The following MEGF6 variants were observed in gnomAD, a reference collection of about 807,000 sequenced individuals.
MEGF6 encodes the protein multiple EGF like domains 6.
A neutral mutation model predicts 207.1 loss-of-function variants in MEGF6; 184 were observed. The observed-to-expected ratio is 0.89, with a 90% CI of 0.79 to 1.00. The LOEUF is 1.00. Ranked by LOEUF, MEGF6 falls within the 50% of genes least tolerant of loss-of-function variation. The pLI, the probability that MEGF6 is intolerant of heterozygous loss-of-function variation, is 0.00. For missense variants in MEGF6, 2,282 were observed against 2,202.9 expected (o/e 1.04, Z -0.72); for synonymous variants, 1,038 against 910.0 (o/e 1.14, Z -2.53).
chr1:3,546,201 C>G (rs1182154275), intron 4 of MEGF6, among the ~76,000 whole-genome samples: 8 of 152,364 alleles, frequency 5.3e-5, no homozygotes, highest in Non-Finnish European at 1.2e-4. Context: ...CCTCCTCCCC[C>G]ACCTCAATCC....
At position 3,505,477 on chromosome 1, in the gene MEGF6, C is replaced by T. The variant is rs1167567777; in HGVS notation, c.1998G>A (p.Lys666=). The change falls in exon 16 of 37, where the codon AAG becomes AAA. Residue 666 remains lysine, a synonymous_variant. Transcript: ENST00000356575. ...CVQPHTQSCD[K]RDGSCSCKAG... ...CCTTGCAGGAGCAGCTGCCATCCCTCTTGTCACAGGACTGCGTGTGGGGCT... is the reference window on the plus strand; with the variant it reads ...CCTTGCAGGAGCAGCTGCCATCCCTTTTGTCACAGGACTGCGTGTGGGGCT... 14 of 1,610,774 alleles carry T rather than the reference C, an allele frequency of 8.7e-6. No individual in the cohort carries two copies. The highest frequency in any genetic ancestry group is 1.2e-5 in the Non-Finnish European group (14 of 1,179,336).
At chr1:3,504,164 C>T (rs1053847914) in intron 17 of MEGF6, among the ~76,000 whole-genome samples, 4 of 152,122 alleles carry the variant, frequency 2.6e-5, no homozygotes, top group South Asian at 4.1e-4. Context: ...GGGCTGGCGC[C>T]GGGCTTCTCG....
intron 4 of MEGF6, among the ~76,000 whole-genome samples, chr1:3,575,030 T>G (rs1643602885): frequency 1.3e-5 from 2 of 152,286 alleles, no homozygotes; most frequent in African/African-American, 4.8e-5. Flanking sequence ...TGAGGTCAGC[T>G]GAGACCAGAT....
chr1:3,558,226 T>A (rs1310715291), intron 4 of MEGF6, among the ~76,000 whole-genome samples: 8 of 152,224 alleles, frequency 5.3e-5, no homozygotes, highest in Non-Finnish European at 1.2e-4. Context: ...CTGAGGACTG[T>A]GCAGTGCCAC....
At chr1:3,593,714 C>G (rs1335176023) in intron 3 of MEGF6, among the ~76,000 whole-genome samples, 1 of 152,022 alleles carries the variant, frequency 6.6e-6, no homozygotes, top group African/African-American at 2.4e-5. Context: ...GCCCCCTCCC[C>G]ACTAAAAAGA....
intron 4 of MEGF6, 100 bp downstream of exon 4, chr1:3,579,725 A>AC: frequency 1.3e-6 from 1 of 778,556 alleles, no homozygotes; most frequent in South Asian, 2.4e-5. Context: ...GGTGTCCCCT[A>AC]CACAGCTGTG....
chr1:3,584,354 A>G (rs1411601284), intron 3 of MEGF6, among the ~76,000 whole-genome samples: 1 of 152,168 alleles, frequency 6.6e-6, no homozygotes, highest in Non-Finnish European at 1.5e-5. Context: ...ACTTCTCTGG[A>G]GCTGCCGCTT....
At chr1:3,569,622 C>G (rs1392671836) in intron 4 of MEGF6, among the ~76,000 whole-genome samples, 1 of 152,244 alleles carries the variant, frequency 6.6e-6, no homozygotes, top group African/African-American at 2.4e-5. Context: ...GCCACGGGGT[C>G]TCCGGCCTGG....
rs555195609 is a variant in MEGF6 at position 3,600,786 on chromosome 1, T to G, written c.266+1680A>C. Among the ~76,000 whole-genome samples, 199 of 152,282 alleles carry G rather than the reference T, an allele frequency of 1.3e-3. 3 individuals carry two copies. The highest frequency in any genetic ancestry group is 6.8e-3 in the Middle Eastern group (2 of 294). ...CACATGTCACCACCTCACTTGGGGC[T>G]GGTTCCAGTAGAGCACACAGGACGC... On this transcript the variant is annotated intron_variant, in intron 2 of 36. Transcript: ENST00000356575.
rs1204512480 is a variant in MEGF6 at position 3,508,693 on chromosome 1, G to C, written c.1529-4C>G. Reference sequence around the variant, plus strand: ...CCAAAGGAGTCATCCAGGCAGACTGGGGGCAGACCAGGATGGGGGGATTCA... The same window carrying C: ...CCAAAGGAGTCATCCAGGCAGACTGCGGGCAGACCAGGATGGGGGGATTCA... On this transcript the variant is annotated splice_polypyrimidine_tract_variant and splice_region_variant and intron_variant, in intron 12 of 36. Transcript: ENST00000356575. 1.9e-6 allele frequency: 3 copies of C among 1,612,746 alleles called. No individual in the cohort carries two copies. Among genetic ancestry groups the C allele is most frequent in the Non-Finnish European group, 1.7e-6 (2 of 1,179,762 alleles).
intron 17 of MEGF6, 25 bp from the exon 18 acceptor site, chr1:3,501,946 T>G (rs762440944): frequency 1.3e-6 from 2 of 1,485,260 alleles, no homozygotes; most frequent in East Asian, 2.9e-5. Flanking sequence ...ACGAGGGGCC[T>G]TAGCCGCACC....
At chr1:3,561,552 C>G (rs922577276) in intron 4 of MEGF6, among the ~76,000 whole-genome samples, 1 of 152,190 alleles carries the variant, frequency 6.6e-6, no homozygotes, top group Non-Finnish European at 1.5e-5. Context: ...GGACCATGCA[C>G]CCCGCAGGGA....
At chr1:3,514,450 A>C in intron 7 of MEGF6, 100 bp downstream of exon 7, 2 of 1,419,568 alleles carry the variant, frequency 1.4e-6, no homozygotes, top group South Asian at 2.8e-5. Context: ...GCCTGGTCTC[A>C]TGGGAGGCCA....
Position 3,501,832 on chromosome 1 carries a change from AC to A in MEGF6, c.2277del (p.Cys760ValfsTer212), listed in dbSNP as rs745697998. On this transcript the variant is annotated frameshift_variant, in exon 18 of 37. Transcript: ENST00000356575. LOFTEE classifies it high-confidence loss of function. The stretch of plus-strand genomic sequence containing the variant: ...TCTTCCCCAGTCCTCCCCGGCGGAC[AC>A]CGGCACTGCCCCGTGACCCCGTGGC... ...APCHGVTGQC[R>X]CPPGRTGEDC... 22 of 1,608,836 alleles carry A rather than the reference AC, an allele frequency of 1.4e-5. No individual in the cohort carries two copies. In the Admixed American group the frequency reaches 3.6e-4, roughly 26 times the overall value.
At chr1:3,615,274 A>G (rs1428264046), upstream of MEGF6, among the ~76,000 whole-genome samples, 1 of 152,212 alleles carries the variant, frequency 6.6e-6, no homozygotes, top group African/African-American at 2.4e-5. Flanking sequence ...CTGACCCCCC[A>G]AGGAGGCAAA....
At chr1:3,550,081 C>T (rs1295737830) in intron 4 of MEGF6, among the ~76,000 whole-genome samples, 4 of 152,228 alleles carry the variant, frequency 2.6e-5, no homozygotes, top group African/African-American at 9.6e-5. Context: ...TGCCCCCAGC[C>T]CTCCCCATCC....
rs758508409 is a variant in MEGF6 at position 3,515,514 on chromosome 1, G to A, written c.618C>T (p.Cys206=). Residue 206 remains cysteine (C), a synonymous_variant, in exon 6 of 37, where the codon TGC becomes TGT. Transcript: ENST00000356575. ...GCTGGCAGCCGCCATTGCCCAGGGCGCAGGAGTTAATGGCTGGGGACACAG... is the reference window on the plus strand; with the variant it reads ...GCTGGCAGCCGCCATTGCCCAGGGCACAGGAGTTAATGGCTGGGGACACAG... ...DSRTCLAINS[C]ALGNGGCQHH... is the part of the protein sequence containing the mutation. The A allele has an allele frequency of 5.6e-5, 91 of 1,612,336 alleles. No individual in the cohort carries two copies. The highest frequency in any genetic ancestry group is 3.7e-4 in the South Asian group (34 of 91,070).
intron 4 of MEGF6, among the ~76,000 whole-genome samples, chr1:3,526,633 A>C (rs1641974702): frequency 6.6e-6 from 1 of 152,148 alleles, no homozygotes; most frequent in African/African-American, 2.4e-5. Context: ...TCCTGACCTC[A>C]GGTGATCCAC....
intron 4 of MEGF6, among the ~76,000 whole-genome samples, chr1:3,547,571 T>C (rs1570111094): frequency 6.6e-6 from 1 of 152,132 alleles, no homozygotes; most frequent in East Asian, 1.9e-4. Context: ...CACTGTCACC[T>C]GCACAGCCAC....
Sources: allele counts gnomAD v4.1 joint callset (sites outside exome capture counted in the v4.1 genomes callset), GRCh38; gene constraint gnomAD v4.1.1; transcripts MANE v1.5; gene names NCBI Gene and HGNC (gene_info 2026-07-23, HGNC 2026-07-21).